LIG1: variants seen among roughly 807,000 people sequenced by gnomAD.
LIG1 encodes the protein ligase I, DNA, ATP-dependent.
Under a neutral mutation model 115.7 loss-of-function variants are expected in LIG1, and 70 were observed. The ratio of observed to expected loss-of-function variants is 0.60; its 90% CI spans 0.50 to 0.74. LIG1 has a LOEUF of 0.74. Ranked by LOEUF, LIG1 falls within the 30% of genes least tolerant of loss-of-function variation. The pLI, the probability that LIG1 is intolerant of heterozygous loss-of-function variation, is 0.00. For missense variants in LIG1, 1,115 were observed against 1,225.6 expected (o/e 0.91, Z 1.35); for synonymous variants, 487 against 495.3 (o/e 0.98, Z 0.22).
In LIG1 at chr19:48,161,432, G is replaced by A; in HGVS notation, c.183C>T (p.Ala61=). 6.2e-7 allele frequency: 1 copy of A among 1,614,096 alleles called. No homozygotes were observed. Among genetic ancestry groups the A allele is most frequent in the Non-Finnish European group, 8.5e-7 (1 of 1,180,024 alleles). ...SPVKRPGRKA[A]RVLGSEGEEE... The stretch of plus-strand genomic sequence containing the variant: ...CTTCCCCTTCGCTGCCCAGGACCCG[G>A]GCCGCCTTCCTCCCTGGCCTCTTCA... Residue 61 remains alanine (A), a synonymous_variant, in exon 4 of 28, where the codon GCC becomes GCT. Transcript: ENST00000263274.
chr19:48,133,170 T>C lies in LIG1; in HGVS notation c.1610-73A>G. The C allele has an allele frequency of 3.1e-6, 3 of 968,494 alleles. No homozygotes were observed. In the South Asian group the frequency reaches 3.8e-5, roughly 12 times the overall value. The allele number at this position is 968,494 out of a possible 1,614,324, so 60.0% of individuals were successfully genotyped here. On this transcript the variant is annotated intron_variant, in intron 17 of 27. Coordinates refer to ENST00000263274, the MANE Select transcript of LIG1 (RefSeq NM_000234.3). ...AGAGGGGGAACATGGAGAGGAGAAC[T>C]GCTAATGGGCCCCAGGACCATTCTG...
At chr19:48,128,807 G>A (rs1386575200) in intron 19 of LIG1, among the ~76,000 whole-genome samples, 1 of 152,236 alleles carries the variant, frequency 6.6e-6, no homozygotes, top group Non-Finnish European at 1.5e-5. Context: ...CTGTCGCCCA[G>A]GCTGCAGTGC....
intron 21 of LIG1, chr19:48,123,709 C>T (rs567681522): frequency 1.3e-4 from 42 of 316,496 alleles, no homozygotes; most frequent in Middle Eastern, 1.1e-3. Flanking sequence ...CCTCCGCCTC[C>T]TGAATTCAAG....
chr19:48,156,323 C>T (rs551216717), intron 5 of LIG1, among the ~76,000 whole-genome samples: 3 of 152,266 alleles, frequency 2.0e-5, no homozygotes, highest in South Asian at 2.1e-4. Flanking sequence ...CATGGCCCCG[C>T]GCTTGTGTTC....
chr19:48,122,953 CT>C lies in LIG1; in HGVS notation c.2212del (p.Arg738AspfsTer8). The C allele has an allele frequency of 6.2e-7, 1 of 1,613,532 alleles. No individual in the cohort carries two copies. Among genetic ancestry groups the C allele is most frequent in the Non-Finnish European group, 8.5e-7 (1 of 1,179,930 alleles). On this transcript the variant is annotated frameshift_variant, in exon 23 of 28. Coordinates refer to ENST00000263274, the MANE Select transcript of LIG1 (RefSeq NM_000234.3). LOFTEE classifies it high-confidence loss of function. The surrounding 1 kb of genome is among the most constrained non-coding windows in gnomAD (Gnocchi z 4.3). ...AATCACCTTGAGCCAGTTGTGCGAT[CT>C]CTTGGCGATCTCGTAGGTGGCATCA... ...DVDATYEIAK[R>X]SHNWLKLKKD...
At chr19:48,161,732 T>A (rs1475078705) in intron 3 of LIG1, among the ~76,000 whole-genome samples, 3 of 151,546 alleles carry the variant, frequency 2.0e-5, no homozygotes, top group African/African-American at 7.3e-5. Flanking sequence ...TCTCTGGAAG[T>A]CTCCAGAGTG....
chr19:48,143,815 T>A, intron 10 of LIG1, 68 bp downstream of exon 10: 1 of 1,374,332 alleles, frequency 7.3e-7, no homozygotes, highest in Non-Finnish European at 1.0e-6. Flanking sequence ...CAACCAAGAC[T>A]CTGCTTAGAG....
chr19:48,118,561 C>T (rs1442245628), intron 25 of LIG1: 5 of 63,528 alleles, frequency 7.9e-5, no homozygotes, highest in Non-Finnish European at 1.7e-4. Flanking sequence ...TTTTTTGAGA[C>T]AGAGTCTCAC....
In LIG1 at chr19:48,149,699, C is replaced by T. The variant is rs768491875; in HGVS notation, c.776+64G>A. 6.4e-4 allele frequency: 821 copies of T among 1,291,266 alleles called. 1 individual carries two copies. Among genetic ancestry groups the T allele is most frequent in the Non-Finnish European group, 5.5e-4 (487 of 892,128 alleles). The allele number at this position is 1,291,266 out of a possible 1,614,324, so 80.0% of individuals were successfully genotyped here. A position where few individuals can be genotyped will look rare whatever the true frequency, so the allele number is the denominator to read the frequency against. ...GAGGAAGCCTGAGCTGGGGGTGGGG[C>T]TGTCGGAATGCAGAGAAGGGAACAC... On this transcript the variant is annotated intron_variant, in intron 9 of 27. Coordinates refer to ENST00000263274, the MANE Select transcript of LIG1 (RefSeq NM_000234.3).
chr19:48,157,940 G>T (rs1203678558), intron 4 of LIG1, among the ~76,000 whole-genome samples: 1 of 152,182 alleles, frequency 6.6e-6, no homozygotes, highest in Non-Finnish European at 1.5e-5. Flanking sequence ...GAGGCATTCA[G>T]GTCACGTGGG....
At chr19:48,124,781 G>A (rs2033552751) in intron 21 of LIG1, among the ~76,000 whole-genome samples, 1 of 152,200 alleles carries the variant, frequency 6.6e-6, no homozygotes, top group Non-Finnish European at 1.5e-5. Context: ...TTGGAAAGCG[G>A]AGGTGGGTGG....
chr19:48,119,365 C>T (rs1383535882), intron 24 of LIG1, among the ~76,000 whole-genome samples, 175 bp from the exon 25 acceptor site: 2 of 152,012 alleles, frequency 1.3e-5, no homozygotes, highest in Admixed American at 6.6e-5. Flanking sequence ...CAGAGACTCC[C>T]GGGTGGGAAT....
In LIG1 at chr19:48,170,257, G is replaced by T; in HGVS notation, c.-74C>A. The T allele has an allele frequency of 2.2e-6, 1 of 455,258 alleles. No homozygotes were observed. The highest frequency in any genetic ancestry group is 2.4e-5 in the Admixed American group (1 of 42,542). 28.2% of individuals were successfully genotyped at this position (455,258 alleles called of 1,614,324 possible). A position where few individuals can be genotyped will look rare whatever the true frequency, so the allele number is the denominator to read the frequency against. On this transcript the variant is annotated 5_prime_UTR_variant, in exon 1 of 28. Coordinates refer to ENST00000263274, the MANE Select transcript of LIG1 (RefSeq NM_000234.3). Reference sequence around the variant, plus strand: ...CCCACTTGCCTTGCGTTGGTCCCGCGCGCCGCTGCCCGGGCAACACACTCA... The same window carrying T: ...CCCACTTGCCTTGCGTTGGTCCCGCTCGCCGCTGCCCGGGCAACACACTCA...
At chr19:48,135,112 C>T (rs967105466) in intron 16 of LIG1, among the ~76,000 whole-genome samples, 4 of 152,334 alleles carry the variant, frequency 2.6e-5, no homozygotes, top group African/African-American at 9.6e-5. Flanking sequence ...CACTCAGAAA[C>T]CTCATGTTGC....
At chr19:48,126,421 C>A (rs1445493145) in intron 21 of LIG1, among the ~76,000 whole-genome samples, 2 of 152,072 alleles carry the variant, frequency 1.3e-5, no homozygotes, top group East Asian at 3.9e-4. Flanking sequence ...GCCTGGCCAA[C>A]ATGGTGAAAC....
chr19:48,135,558 AC>A, intron 16 of LIG1, 121 bp downstream of exon 16: 1 of 813,042 alleles, frequency 1.2e-6, no homozygotes, highest in Non-Finnish European at 2.2e-6. Flanking sequence ...TCACCCCGTG[AC>A]CGGCACTCGT....
chr19:48,167,825 TAA>T (rs776208781), intron 1 of LIG1, among the ~76,000 whole-genome samples: 8 of 113,714 alleles, frequency 7.0e-5, no homozygotes, highest in Admixed American at 1.9e-4. Context: ...GACCCCGTCT[TAA>T]AAAAAAAAAA....
At chr19:48,119,028 C>T (rs2094708506) in intron 25 of LIG1, 109 bp downstream of exon 25, 3 of 889,558 alleles carry the variant, frequency 3.4e-6, no homozygotes, top group South Asian at 1.5e-5. Flanking sequence ...CTCCTGCCCA[C>T]ACCTGGAGCC....
intron 1 of LIG1, 44 bp downstream of exon 1, chr19:48,170,197 C>A: frequency 2.2e-6 from 1 of 455,186 alleles, no homozygotes; most frequent in Non-Finnish European, 4.4e-6. Flanking sequence ...TCGGCGCACC[C>A]GCCGCCCTCC....
Sources: gnomAD v4.1 joint callset for allele counts (sites outside exome capture counted in the v4.1 genomes callset) on GRCh38, gnomAD v4.1.1 for gene constraint, Gnocchi (gnomAD v3.1) non-coding constraint, MANE v1.5 for transcripts, NCBI Gene and HGNC (gene_info 2026-07-23, HGNC 2026-07-21) for gene names.